IGF2BP2: variants seen among roughly 807,000 people sequenced by gnomAD.
IGF2BP2 encodes insulin-like growth factor 2 mRNA-binding protein 2.
A neutral mutation model predicts 75.8 loss-of-function variants in IGF2BP2; 17 were observed. That is an observed-to-expected ratio of 0.22 (90% CI 0.15 to 0.34). The LOEUF is 0.34. Among genes scored for constraint, IGF2BP2 ranks in the 10% least tolerant of loss-of-function variants. The pLI is 1.00. For synonymous variants in IGF2BP2, 288 were observed against 295.6 expected, an observed-to-expected ratio of 0.97 and a Z score of 0.26; for missense variants, 516 against 772.4, an observed-to-expected ratio of 0.67 and a Z score of 3.93.
Position 185,701,275 on chromosome 3 carries a change from C to T in IGF2BP2, c.240-2928G>A, listed in dbSNP as rs543818885. On this transcript the variant is annotated intron_variant, in intron 2 of 15. Coordinates refer to ENST00000382199, the MANE Select transcript of IGF2BP2 (RefSeq NM_006548.6). ...GAGAATATATTCATGTCTTATCCTA[C>T]AGGCTTTAAAAAACGAACAATGAAA... Among the ~76,000 whole-genome samples, 7 of 149,774 alleles carry T rather than the reference C, an allele frequency of 4.7e-5. No individual in the cohort carries two copies. In the South Asian group the frequency reaches 8.4e-4, roughly 18 times the overall value.
In IGF2BP2 at chr3:185,675,320, A is replaced by G. The variant is rs1215603851; in HGVS notation, c.1047T>C (p.Phe349=). The G allele has an allele frequency of 1.3e-5, 21 of 1,609,996 alleles. No homozygotes were observed. The highest frequency in any genetic ancestry group is 1.8e-5 in the Non-Finnish European group (21 of 1,179,354). ...CGTTAACAGCCAGCATATCATTTTC[A>G]AAGGCCTCACGCAGCTTCTTCATAA... is the stretch of plus-strand genomic sequence containing the variant. ...IEIMKKLREA[F]ENDMLAVNQQ... The change falls in exon 9 of 16, where the codon TTT becomes TTC. Residue 349 remains phenylalanine (F), a synonymous_variant. Transcript: ENST00000382199.
At chr3:185,781,464 T>C (rs893623194) in intron 2 of IGF2BP2, among the ~76,000 whole-genome samples, 16 of 152,180 alleles carry the variant, frequency 1.1e-4, no homozygotes, top group Non-Finnish European at 2.1e-4. Flanking sequence ...ATCTGACTTA[T>C]AGGCTTTGTG....
rs931913120 is a variant in IGF2BP2, at chr3:185,823,329, G to A, written c.179-116C>T. The A allele has an allele frequency of 4.4e-6, 3 of 684,378 alleles. No homozygotes were observed. The African/African-American group carries it at 5.6e-5, about 13-fold the overall frequency. 42.4% of individuals were successfully genotyped at this position (684,378 alleles called of 1,614,324 possible). ...CTCCGCCTTCGGGCGCCCCCAAGGG[G>A]TCTCCTACCCGGATCGAGCTGGGCG... On this transcript the variant is annotated intron_variant, in intron 1 of 15. Coordinates refer to ENST00000382199, the MANE Select transcript of IGF2BP2 (RefSeq NM_006548.6).
chr3:185,711,626 A>G (rs1280108311), intron 2 of IGF2BP2, among the ~76,000 whole-genome samples: 1 of 152,216 alleles, frequency 6.6e-6, no homozygotes, highest in African/African-American at 2.4e-5. Flanking sequence ...CCTGAAGTGA[A>G]TAACGGTGAA....
rs889669138 is a variant in IGF2BP2 at position 185,647,468 on chromosome 3, C to A, written c.1594-330G>T. Among the ~76,000 whole-genome samples, 7 of 152,004 alleles carry A rather than the reference C, an allele frequency of 4.6e-5. No individual in the cohort carries two copies. Among genetic ancestry groups the A allele is most frequent in the Non-Finnish European group, 1.0e-4 (7 of 67,998 alleles). On this transcript the variant is annotated intron_variant, in intron 14 of 15. Transcript: ENST00000382199. The surrounding 1 kb of genome is among the most constrained non-coding windows in gnomAD (Gnocchi z 4.9). ...ACAGAGACCCCAGGCTTTCCCATAC[C>A]CCCCCACTCCCCACCCCTACCCTGT...
At chr3:185,798,917 C>T (rs1737808832) in intron 2 of IGF2BP2, among the ~76,000 whole-genome samples, 1 of 151,630 alleles carries the variant, frequency 6.6e-6, no homozygotes, top group Admixed American at 6.6e-5. Flanking sequence ...GCTGAGACTA[C>T]AGGCACACAC....
chr3:185,680,336 C>A (rs182073179), intron 7 of IGF2BP2, among the ~76,000 whole-genome samples: 4 of 152,170 alleles, frequency 2.6e-5, no homozygotes, highest in African/African-American at 9.6e-5. Flanking sequence ...CAGAAAAGCC[C>A]AGGACCAGAT....
intron 6 of IGF2BP2, 124 bp from the exon 7 acceptor site, chr3:185,687,315 C>T (rs1577970506): frequency 2.1e-6 from 2 of 968,598 alleles, no homozygotes; most frequent in East Asian, 2.6e-5. Flanking sequence ...GTCATCAGCA[C>T]GTTTGCAATC....
intron 10 of IGF2BP2, among the ~76,000 whole-genome samples, chr3:185,660,768 A>C (rs1716309176): frequency 6.6e-6 from 1 of 152,224 alleles, no homozygotes; most frequent in Non-Finnish European, 1.5e-5. Context: ...TGGGCCATGA[A>C]GAGCTGGGGG....
chr3:185,739,526 C>A (rs1729261909), intron 2 of IGF2BP2, among the ~76,000 whole-genome samples: 1 of 152,202 alleles, frequency 6.6e-6, no homozygotes, highest in South Asian at 2.1e-4. Flanking sequence ...CCTGGCTCCT[C>A]AGGAATCACT....
chr3:185,717,196 T>A (rs1725774414), intron 2 of IGF2BP2: 1 of 178,446 alleles, frequency 5.6e-6, no homozygotes, highest in South Asian at 1.3e-4. Flanking sequence ...CCCGGTCTAT[T>A]TATTGGGAGG....
chr3:185,783,687 T>C (rs1463571740), intron 2 of IGF2BP2, among the ~76,000 whole-genome samples: 1 of 152,200 alleles, frequency 6.6e-6, no homozygotes, highest in Non-Finnish European at 1.5e-5. Flanking sequence ...TCCCCATCTA[T>C]GATGTAAATC....
chr3:185,697,430 A>T (rs1214641902), intron 3 of IGF2BP2, among the ~76,000 whole-genome samples: 4 of 144,964 alleles, frequency 2.8e-5, no homozygotes, highest in Admixed American at 1.4e-4. Flanking sequence ...TTTTTTTTTT[A>T]AAGTAATAAA....
intron 2 of IGF2BP2, among the ~76,000 whole-genome samples, chr3:185,735,537 C>A (rs2149536380): frequency 6.6e-6 from 1 of 152,332 alleles, no homozygotes; most frequent in South Asian, 2.1e-4. Context: ...GCTCTCATAT[C>A]TTTGCTTTTA....
At chr3:185,804,645 C>T (rs1273633541) in intron 2 of IGF2BP2, among the ~76,000 whole-genome samples, 3 of 152,042 alleles carry the variant, frequency 2.0e-5, no homozygotes, top group African/African-American at 7.2e-5. Context: ...ATTATCACTG[C>T]TCTTCCCTTT....
chr3:185,672,516 A>C (rs1718673559), intron 10 of IGF2BP2, 25 bp downstream of exon 10: 1 of 1,608,786 alleles, frequency 6.2e-7, no homozygotes, highest in Non-Finnish European at 8.5e-7. Context: ...CGCATAAGCA[A>C]ACCTCCACAA....
chr3:185,795,857 G>A (rs768443542), intron 2 of IGF2BP2, among the ~76,000 whole-genome samples: 6 of 152,090 alleles, frequency 3.9e-5, no homozygotes, highest in Non-Finnish European at 8.8e-5. Flanking sequence ...CTACACTCCA[G>A]GCTGGGCAAC....
chr3:185,756,257 A>G (rs34439720), intron 2 of IGF2BP2, among the ~76,000 whole-genome samples: 6,768 of 152,182 alleles, frequency 0.044, 226 homozygotes, highest in Non-Finnish European at 0.066. Flanking sequence ...TTCTGCCATC[A>G]TTGGAAGCTT....
At chr3:185,731,242 C>T (rs1247798440) in intron 2 of IGF2BP2, among the ~76,000 whole-genome samples, 2 of 141,132 alleles carry the variant, frequency 1.4e-5, no homozygotes, top group East Asian at 2.2e-4. Context: ...AGCTGCATCA[C>T]TTTCTTTTTT....
Sources: gnomAD v4.1 joint callset for allele counts (sites outside exome capture counted in the v4.1 genomes callset) on GRCh38, gnomAD v4.1.1 for gene constraint, Gnocchi (gnomAD v3.1) non-coding constraint, MANE v1.5 for transcripts, NCBI Gene and HGNC (gene_info 2026-07-23, HGNC 2026-07-21) for gene names.